Variants in VPS13D observed in about 807,000 individuals in gnomAD.
VPS13D encodes the protein vacuolar protein sorting 13 homolog D, also known as intermembrane lipid transfer protein VPS13D.
VPS13D carries 187 observed loss-of-function variants against 461.9 expected under a neutral mutation model. That is an observed-to-expected ratio of 0.40 (90% CI 0.36 to 0.46). The LOEUF (loss-of-function observed/expected upper bound fraction) is 0.46. Ranked by LOEUF, VPS13D falls within the 20% of genes least tolerant of loss-of-function variation. VPS13D has a pLI of 0.60. For synonymous variants in VPS13D, 1,951 were observed against 1,986.3 expected (o/e 0.98, Z 0.47); for missense variants, 4,711 against 5,364.9 (o/e 0.88, Z 3.81).
chr1:12,475,208 A>G (rs1475535617), intron 67 of VPS13D, among the ~76,000 whole-genome samples: 1 of 152,178 alleles, frequency 6.6e-6, no homozygotes, highest in African/African-American at 2.4e-5. Flanking sequence ...AGGATTGCAA[A>G]TCACAAGAGC....
At chr1:12,272,392 G>GGTGT (rs60615824) in intron 17 of VPS13D, among the ~76,000 whole-genome samples, 3,666 of 143,088 alleles carry the variant, frequency 0.026, 60 homozygotes, top group African/African-American at 0.044. Context: ...TTTTTGTTTT[G>GGTGT]GTGTGTGTGT....
At chr1:12,237,125 G>C (rs1640176046) in intron 2 of VPS13D, among the ~76,000 whole-genome samples, 1 of 150,196 alleles carries the variant, frequency 6.7e-6, no homozygotes. Flanking sequence ...ATATATCTGT[G>C]TGTGTATATA....
rs1468318282 is a variant in VPS13D, at chr1:12,511,979, A to C, written c.*2955A>C. ...AGTCACCAGTGTGTGAAGACTCTTG[A>C]GTCTGGTTCTCATATCAGAGTCATC... is the stretch of plus-strand genomic sequence containing the variant. On this transcript the variant is annotated 3_prime_UTR_variant, in exon 70 of 70. Coordinates refer to ENST00000620676, the MANE Select transcript of VPS13D (RefSeq NM_015378.4). The surrounding 1 kb of genome is among the most constrained non-coding windows in gnomAD (Gnocchi z 4.5). The C allele has an allele frequency of 6.6e-6, 1 of 152,192 alleles. No individual in the cohort carries two copies. The highest frequency in any genetic ancestry group is 2.4e-5 in the African/African-American group (1 of 41,426). 9.4% of individuals were successfully genotyped at this position (152,192 alleles called of 1,614,324 possible).
At chr1:12,437,796 A>T (rs543728057) in intron 65 of VPS13D, among the ~76,000 whole-genome samples, 1 of 152,264 alleles carries the variant, frequency 6.6e-6, no homozygotes, top group East Asian at 1.9e-4. Context: ...GGCTAGGTAG[A>T]TTTCCTGTGG....
chr1:12,451,815 C>T (rs1275500373), intron 65 of VPS13D, among the ~76,000 whole-genome samples: 1 of 152,168 alleles, frequency 6.6e-6, no homozygotes, highest in Non-Finnish European at 1.5e-5. Context: ...TCTGATTATT[C>T]CCATTTTGCA....
rs769074744 is a variant in VPS13D, at chr1:12,354,019, C to T, written c.9477C>T (p.Pro3159=). The T allele has an allele frequency of 3.7e-6, 6 of 1,613,966 alleles. No individual in the cohort carries two copies. In the Admixed American group the frequency reaches 1.0e-4, roughly 27 times the overall value. Residue 3159 remains proline, a synonymous_variant, in exon 47 of 70, where the codon CCC becomes CCT. Transcript: ENST00000620676. ...AAGAGAATTATCCAGATTATATGCC[C>T]TCAAACATATTTTCTGACAGTGCAA... ...IKKENYPDYM[P]SNIFSDSAKQ...
rs554600038 is a variant in VPS13D at position 12,509,825 on chromosome 1, A to G, written c.*801A>G. The G allele has an allele frequency of 2.7e-4, 41 of 152,366 alleles. No individual in the cohort carries two copies. The highest frequency in any genetic ancestry group is 9.1e-4 in the African/African-American group (38 of 41,584). 9.4% of individuals were successfully genotyped at this position (152,366 alleles called of 1,614,324 possible). A position where few individuals can be genotyped will look rare whatever the true frequency, so the allele number is the denominator to read the frequency against. ...CATTACCACATGGGTGCAAGTCAGC[A>G]TTGTAAGTTTTCTCAGGTTATTATT... On this transcript the variant is annotated 3_prime_UTR_variant, in exon 70 of 70. Coordinates refer to ENST00000620676, the MANE Select transcript of VPS13D (RefSeq NM_015378.4).
intron 27 of VPS13D, among the ~76,000 whole-genome samples, chr1:12,311,209 C>T (rs371288499): frequency 1.3e-5 from 2 of 152,120 alleles, no homozygotes; most frequent in African/African-American, 4.8e-5. Flanking sequence ...AGCCACCACA[C>T]CTGGCCTGGT....
intron 68 of VPS13D, among the ~76,000 whole-genome samples, chr1:12,503,278 C>T (rs1429263331): frequency 6.6e-6 from 1 of 152,150 alleles, no homozygotes; most frequent in East Asian, 1.9e-4. Context: ...AACTTTCTGA[C>T]ACTGAGCCCC....
intron 57 of VPS13D, among the ~76,000 whole-genome samples, chr1:12,380,903 A>G (rs756961921): frequency 1.2e-4 from 18 of 152,216 alleles, no homozygotes; most frequent in Non-Finnish European, 2.5e-4. Flanking sequence ...GTGATTTTCA[A>G]TTAGCAATAC....
chr1:12,386,375 A>T (rs1392372546), intron 60 of VPS13D, 41 bp downstream of exon 60: 3 of 1,550,182 alleles, frequency 1.9e-6, no homozygotes, highest in Admixed American at 2.0e-5. Flanking sequence ...CCTTGTTTTC[A>T]TGCTGATCAC....
intron 5 of VPS13D, among the ~76,000 whole-genome samples, chr1:12,249,022 G>A (rs1569670331): frequency 6.6e-6 from 1 of 152,038 alleles, no homozygotes; most frequent in Non-Finnish European, 1.5e-5. Context: ...ACTCCCTTAG[G>A]AACTTATAGG....
At chr1:12,397,699 A>C (rs1359895358) in intron 60 of VPS13D, among the ~76,000 whole-genome samples, 2 of 152,222 alleles carry the variant, frequency 1.3e-5, no homozygotes, top group African/African-American at 4.8e-5. Flanking sequence ...ATGAATAATG[A>C]CATTCTGTGA....
rs569120652 is a variant in VPS13D at position 12,313,390 on chromosome 1, C to T, written c.6936-725C>T. The stretch of plus-strand genomic sequence containing the variant: ...TGGTGCCATCTCGGCTCACTGCAAC[C>T]TCCACATCCCTGGCTCAAGTGATCC... On this transcript the variant is annotated intron_variant, in intron 29 of 69. Coordinates refer to ENST00000620676, the MANE Select transcript of VPS13D (RefSeq NM_015378.4). Among the ~76,000 whole-genome samples the T allele has an allele frequency of 6.7e-5, 10 of 150,148 alleles. 1 individual carries two copies. The South Asian group carries it at 1.9e-3, about 29-fold the overall frequency.
At chr1:12,326,547 G>A (rs1489645973) in intron 35 of VPS13D, among the ~76,000 whole-genome samples, 1 of 151,712 alleles carries the variant, frequency 6.6e-6, no homozygotes, top group Non-Finnish European at 1.5e-5. Flanking sequence ...TGTTGCCCAG[G>A]CTGGTCTCAA....
At chr1:12,458,189 C>T (rs776389837) in intron 66 of VPS13D, among the ~76,000 whole-genome samples, 12 of 152,278 alleles carry the variant, frequency 7.9e-5, no homozygotes, top group Admixed American at 6.5e-5. Context: ...CTGGGTTATA[C>T]GAAGGCAGTA....
Position 12,299,394 on chromosome 1 carries a change from C to G in VPS13D, c.6216+10C>G, listed in dbSNP as rs754850230. ...TTCCCTACAAGATAAGGTGAGCAAT[C>G]AGTATCCATTTCCTTTTCCGTTCAG... is the stretch of plus-strand genomic sequence containing the variant. On this transcript the variant is annotated intron_variant, in intron 25 of 69. Transcript: ENST00000620676. This position sits in a 1 kb window ranked among gnomAD's most constrained non-coding sequence, Gnocchi z 4.2. 6.3e-7 allele frequency: 1 copy of G among 1,598,310 alleles called. No homozygotes were observed. The highest frequency in any genetic ancestry group is 8.5e-7 in the Non-Finnish European group (1 of 1,174,364).
intron 16 of VPS13D, among the ~76,000 whole-genome samples, chr1:12,269,290 T>G (rs1382949044): frequency 1.3e-5 from 2 of 152,086 alleles, no homozygotes; most frequent in African/African-American, 4.8e-5. Flanking sequence ...TAGTATGGGG[T>G]GGGGGAGTTC....
At chr1:12,382,884 T>C in intron 57 of VPS13D, 92 bp from the exon 58 acceptor site, 1 of 1,228,690 alleles carries the variant, frequency 8.1e-7, no homozygotes. Context: ...GAGGAGAATG[T>C]AAATTTAGGA....
Sources: gnomAD v4.1 joint callset for allele counts (sites outside exome capture counted in the v4.1 genomes callset) on GRCh38, gnomAD v4.1.1 for gene constraint, Gnocchi (gnomAD v3.1) non-coding constraint, MANE v1.5 for transcripts, NCBI Gene and HGNC (gene_info 2026-07-23, HGNC 2026-07-21) for gene names.